The following SERINC5 variants were observed in gnomAD, a reference collection of about 807,000 sequenced individuals.
SERINC5 encodes the protein serine incorporator 5.
In SERINC5, 41 loss-of-function variants were observed where a neutral mutation model predicts 63.1. The ratio of observed to expected loss-of-function variants is 0.65; its 90% CI spans 0.51 to 0.84. The LOEUF (loss-of-function observed/expected upper bound fraction) is 0.84, where lower values mean the gene tolerates loss of function less well. SERINC5 is among the 40% of genes least tolerant of loss of function. SERINC5 has a pLI of 0.00. For synonymous variants in SERINC5, 222 were observed against 215.2 expected (o/e 1.03, Z -0.28); for missense variants, 523 against 573.0 (o/e 0.91, Z 0.89).
downstream of SERINC5, among the ~76,000 whole-genome samples, chr5:80,138,523 G>C (rs1034815846): frequency 1.3e-5 from 2 of 152,028 alleles, no homozygotes; most frequent in Non-Finnish European, 2.9e-5. Context: ...TTGAGCCTGG[G>C]AGGCGGTGGT....
At chr5:80,130,020 T>G (rs1052056469) in intron 11 of SERINC5, among the ~76,000 whole-genome samples, 2 of 152,228 alleles carry the variant, frequency 1.3e-5, no homozygotes, top group Non-Finnish European at 2.9e-5. Context: ...TAATTACTAG[T>G]AAGATTGAAG....
chr5:80,212,460 C>G (rs1160993957), intron 1 of SERINC5, among the ~76,000 whole-genome samples: 2 of 152,142 alleles, frequency 1.3e-5, no homozygotes, highest in Admixed American at 1.3e-4. Flanking sequence ...CCTTCCTTCT[C>G]TTTTGAAGCT....
intron 8 of SERINC5, among the ~76,000 whole-genome samples, chr5:80,151,861 A>G (rs928748740): frequency 6.6e-6 from 1 of 152,150 alleles, no homozygotes; most frequent in African/African-American, 2.4e-5. Flanking sequence ...GTGCTCAAGA[A>G]GCTGGTCTGC....
At position 80,232,261 on chromosome 5, in the gene SERINC5, G is replaced by A. The variant is rs1309798903; in HGVS notation, c.27+23635C>T. Reference sequence around the variant, plus strand: ...CTACTAAAAATACAAAAAAAAAGCCGGGCGTGGTGGCAGGCCCCTGTAGTC... The same window carrying A: ...CTACTAAAAATACAAAAAAAAAGCCAGGCGTGGTGGCAGGCCCCTGTAGTC... On this transcript the variant is annotated intron_variant, in intron 1 of 11. Coordinates refer to ENST00000507668, the MANE Select transcript of SERINC5 (RefSeq NM_001174072.3). Among the ~76,000 whole-genome samples the A allele has an allele frequency of 5.3e-5, 8 of 151,110 alleles. No homozygotes were observed. The East Asian group carries it at 5.9e-4, about 11-fold the overall frequency.
intron 1 of SERINC5, among the ~76,000 whole-genome samples, chr5:80,216,558 G>A (rs1750673360): frequency 6.6e-6 from 1 of 152,148 alleles, no homozygotes; most frequent in African/African-American, 2.4e-5. Flanking sequence ...ACCCACTGAG[G>A]CAACAAATAC....
chr5:80,255,365 C>T (rs936909393), intron 1 of SERINC5, among the ~76,000 whole-genome samples: 1 of 152,032 alleles, frequency 6.6e-6, no homozygotes, highest in Non-Finnish European at 1.5e-5. Flanking sequence ...GACCTGCGCC[C>T]GGTAGTTTGG....
intron 5 of SERINC5, among the ~76,000 whole-genome samples, chr5:80,172,113 C>T (rs1350115247): frequency 6.6e-6 from 1 of 152,118 alleles, no homozygotes; most frequent in Non-Finnish European, 1.5e-5. Flanking sequence ...GGACAGATCA[C>T]GAGGTCAGGA....
Position 80,202,877 on chromosome 5 carries a change from C to A in SERINC5, c.195+9G>T. 1 of 1,603,192 alleles carries A rather than the reference C, an allele frequency of 6.2e-7. No individual in the cohort carries two copies. Among genetic ancestry groups the A allele is most frequent in the Non-Finnish European group, 8.5e-7 (1 of 1,171,782 alleles). ...GGAAATAGGACGAGCTGAACACGGA[C>A]AAACTTACGTGCTCTTTCATCTTGT... On this transcript the variant is annotated intron_variant, in intron 2 of 11. Coordinates refer to ENST00000507668, the MANE Select transcript of SERINC5 (RefSeq NM_001174072.3).
At chr5:80,147,069 A>C (rs534019258) in intron 10 of SERINC5, among the ~76,000 whole-genome samples, 176 bp downstream of exon 10, 1 of 152,230 alleles carries the variant, frequency 6.6e-6, no homozygotes, top group Non-Finnish European at 1.5e-5. Flanking sequence ...AACACAAACA[A>C]AACTCAGCTA....
intron 1 of SERINC5, among the ~76,000 whole-genome samples, chr5:80,244,458 C>T (rs115689552): frequency 0.031 from 4,761 of 151,894 alleles, 127 homozygotes; most frequent in Admixed American, 0.048. Context: ...TCAAGTGATA[C>T]GCTGCCTCAG....
chr5:80,125,253 C>T lies in SERINC5; in HGVS notation c.1239-11628G>A, dbSNP rs115470997. 7.2e-3 allele frequency among the ~76,000 whole-genome samples: 1,101 copies of T among 152,226 alleles called. 18 individuals carry two copies. The highest frequency in any genetic ancestry group is 0.025 in the African/African-American group (1,035 of 41,530). On this transcript the variant is annotated intron_variant, in intron 11 of 12. Transcript: ENST00000509193. ...CTCTACCCTCAATGTGAGGAGATAC[C>T]ACCACATAAACGAACAATTACAATA...
chr5:80,218,711 A>G (rs573034892), intron 1 of SERINC5, among the ~76,000 whole-genome samples: 6 of 151,004 alleles, frequency 4.0e-5, no homozygotes, highest in Middle Eastern at 3.5e-3. Flanking sequence ...TTGAACAGCT[A>G]CAGGCTGTGC....
At chr5:80,112,292 T>G (rs1367583962) in intron 12 of SERINC5, among the ~76,000 whole-genome samples, 1 of 152,170 alleles carries the variant, frequency 6.6e-6, no homozygotes, top group African/African-American at 2.4e-5. Context: ...TTTACTACAC[T>G]GAGATGTTTG....
At chr5:80,168,245 A>G (rs1747429953) in intron 6 of SERINC5, among the ~76,000 whole-genome samples, 1 of 151,472 alleles carries the variant, frequency 6.6e-6, no homozygotes, top group Non-Finnish European at 1.5e-5. Flanking sequence ...CCCAGGCTGG[A>G]GTGCAGTGGT....
At chr5:80,175,351 T>A (rs80302568) in intron 4 of SERINC5, among the ~76,000 whole-genome samples, 2,656 of 152,250 alleles carry the variant, frequency 0.017, 83 homozygotes, top group African/African-American at 0.061. Flanking sequence ...CCCTAATAGA[T>A]GCCCTAATTC....
chr5:80,182,777 C>T (rs1156801183), intron 2 of SERINC5, among the ~76,000 whole-genome samples: 1 of 152,124 alleles, frequency 6.6e-6, no homozygotes, highest in Non-Finnish European at 1.5e-5. Flanking sequence ...AACTCCTGGC[C>T]TCAAATGATC....
At position 80,174,969 on chromosome 5, in the gene SERINC5, T is replaced by C; in HGVS notation, c.536A>G (p.Lys179Arg). 6.2e-7 allele frequency: 1 copy of C among 1,600,090 alleles called. No homozygotes were observed. Among genetic ancestry groups the C allele is most frequent in the Non-Finnish European group, 8.5e-7 (1 of 1,173,020 alleles). ...AGGCACACACCAGTTCTTGTTCCAC[T>C]TATGTGCAAACTCCACGAGCAGGAG... ...QLLLLVEFAHKWNKNWTAGTA... is the reference protein window; with the variant it reads ...QLLLLVEFAHRWNKNWTAGTA... Residue 179 changes from lysine (K) to arginine (R), a missense_variant, in exon 5 of 12, where the codon AAG (lysine) becomes AGG (arginine). Transcript: ENST00000507668.
chr5:80,208,074 G>A (rs1750256512), intron 1 of SERINC5, among the ~76,000 whole-genome samples: 1 of 152,190 alleles, frequency 6.6e-6, no homozygotes, highest in Non-Finnish European at 1.5e-5. Context: ...CAAGCTTGGA[G>A]AGAAGTGCCA....
chr5:80,237,341 C>CT (rs771569759), intron 1 of SERINC5, among the ~76,000 whole-genome samples: 1 of 117,252 alleles, frequency 8.5e-6, no homozygotes, highest in Non-Finnish European at 1.9e-5. Context: ...AGGGCTTTCT[C>CT]TCTCTTTTTT....
Sources: allele counts gnomAD v4.1 joint callset (sites outside exome capture counted in the v4.1 genomes callset), GRCh38; gene constraint gnomAD v4.1.1; transcripts MANE v1.5; gene names NCBI Gene and HGNC (gene_info 2026-07-23, HGNC 2026-07-21).